The following PPP2R3A variants were observed in gnomAD, a reference collection of about 807,000 sequenced individuals.
PPP2R3A encodes the protein protein phosphatase 2 regulatory subunit B''alpha.
Under a neutral mutation model 106.9 loss-of-function variants are expected in PPP2R3A, and 80 were observed. The ratio of observed to expected loss-of-function variants is 0.75; its 90% CI spans 0.62 to 0.90. The LOEUF (loss-of-function observed/expected upper bound fraction) is 0.90. PPP2R3A is among the 40% of genes least tolerant of loss of function. The pLI is 0.00. For missense variants in PPP2R3A, 1,386 were observed against 1,350.4 expected, an observed-to-expected ratio of 1.03 and a Z score of -0.41; for synonymous variants, 483 against 468.3, an observed-to-expected ratio of 1.03 and a Z score of -0.41.
intron 13 of PPP2R3A, among the ~76,000 whole-genome samples, chr3:136,143,759 C>G (rs1361885133): frequency 1.3e-5 from 2 of 152,164 alleles, no homozygotes; most frequent in African/African-American, 2.4e-5. Flanking sequence ...CCACTGTACT[C>G]CAGCCTGGGC....
intron 12 of PPP2R3A, 42 bp downstream of exon 12, chr3:136,103,418 CAG>C: frequency 7.2e-7 from 1 of 1,387,132 alleles, no homozygotes; most frequent in Non-Finnish European, 1.0e-6. Context: ...GCTGCAGTGT[CAG>C]GGGCTGTGTG....
Position 136,077,976 on chromosome 3 carries a change from C to T in PPP2R3A, c.2545-391C>T, listed in dbSNP as rs1936650839. 2.0e-5 allele frequency among the ~76,000 whole-genome samples: 3 copies of T among 152,162 alleles called. No individual in the cohort carries two copies. The South Asian group carries it at 6.2e-4, about 32-fold the overall frequency. ...GAATCATACCACCTTGATAGCCACC[C>T]TTCTGACCAGTTAATCAATCATTAG... On this transcript the variant is annotated intron_variant, in intron 6 of 13. Coordinates refer to ENST00000264977, the MANE Select transcript of PPP2R3A (RefSeq NM_002718.5).
At chr3:136,100,503 C>A (rs1022770701) in intron 10 of PPP2R3A, among the ~76,000 whole-genome samples, 1 of 151,190 alleles carries the variant, frequency 6.6e-6, no homozygotes, top group African/African-American at 2.4e-5. Flanking sequence ...GGTGAAACCC[C>A]GTCTCTCCTT....
chr3:136,050,961 G>C (rs1393616200), intron 5 of PPP2R3A, among the ~76,000 whole-genome samples: 1 of 152,132 alleles, frequency 6.6e-6, no homozygotes, highest in Non-Finnish European at 1.5e-5. Context: ...GTTGACCTTT[G>C]TTAAGGTTTT....
At chr3:135,983,712 T>C (rs1026937467) in intron 1 of PPP2R3A, among the ~76,000 whole-genome samples, 2 of 152,380 alleles carry the variant, frequency 1.3e-5, no homozygotes, top group East Asian at 3.9e-4. Context: ...TCAGGCTTTA[T>C]GCTTAGCCTT....
Position 136,041,250 on chromosome 3 carries a change from G to GTTTTTTTTTTTTTTTTTTTTTTTTTT in PPP2R3A, c.2366+299_2366+300insTTTTTTTTTTTTTTTTTTTTTTTTTT, listed in dbSNP as rs1246326384. 6.9e-4 allele frequency among the ~76,000 whole-genome samples: 39 copies of GTTTTTTTTTTTTTTTTTTTTTTTTTT among 56,564 alleles called. 7 individuals are homozygous for GTTTTTTTTTTTTTTTTTTTTTTTTTT. Among genetic ancestry groups the GTTTTTTTTTTTTTTTTTTTTTTTTTT allele is most frequent in the African/African-American group, 1.6e-3 (27 of 16,876 alleles). The allele number at this position is 56,564 out of a possible 152,430, so 37.1% of individuals were successfully genotyped here. Reference sequence around the variant, plus strand: ...CTTGGTTTTTCTTGTTTTTTTTTTTGTTTTTTTTTTTGTTTTTTTTTTTTT... The same window carrying GTTTTTTTTTTTTTTTTTTTTTTTTTT: ...CTTGGTTTTTCTTGTTTTTTTTTTTGTTTTTTTTTTTTTTTTTTTTTTTTTTTTTTTTTTTTTGTTTTTTTTTTTTT... On this transcript the variant is annotated intron_variant, in intron 4 of 13. Transcript: ENST00000264977.
At chr3:136,061,716 C>A (rs956209339) in intron 5 of PPP2R3A, among the ~76,000 whole-genome samples, 9 of 151,870 alleles carry the variant, frequency 5.9e-5, no homozygotes, top group African/African-American at 2.2e-4. Context: ...GTCAGGAGAT[C>A]GAGACCATCC....
chr3:136,115,705 G>C (rs1277673840), intron 13 of PPP2R3A, among the ~76,000 whole-genome samples: 1 of 151,808 alleles, frequency 6.6e-6, no homozygotes, highest in African/African-American at 2.4e-5. Flanking sequence ...AAAAAAGAAT[G>C]AAAAGGAACG....
chr3:136,067,667 C>G (rs546178799), intron 5 of PPP2R3A, among the ~76,000 whole-genome samples: 1 of 152,290 alleles, frequency 6.6e-6, no homozygotes, highest in African/African-American at 2.4e-5. Flanking sequence ...GATGAGGAAA[C>G]TAACCAAAGC....
intron 5 of PPP2R3A, among the ~76,000 whole-genome samples, chr3:136,068,550 A>C (rs1217695226): frequency 6.6e-6 from 1 of 152,206 alleles, no homozygotes; most frequent in Non-Finnish European, 1.5e-5. Flanking sequence ...ATAGGAGAGA[A>C]GAGACAGCTC....
chr3:136,074,067 A>T (rs1936523410), intron 6 of PPP2R3A, among the ~76,000 whole-genome samples: 1 of 152,230 alleles, frequency 6.6e-6, no homozygotes, highest in South Asian at 2.1e-4. Flanking sequence ...ATTGAATGTT[A>T]TATAATCTTC....
chr3:136,083,545 T>C (rs1442359240), intron 8 of PPP2R3A, among the ~76,000 whole-genome samples: 1 of 152,198 alleles, frequency 6.6e-6, no homozygotes, highest in East Asian at 1.9e-4. Context: ...ATGTCTTTAC[T>C]AGCAGCATGA....
chr3:136,144,111 C>A (rs1200817838), intron 13 of PPP2R3A, among the ~76,000 whole-genome samples: 1 of 152,214 alleles, frequency 6.6e-6, no homozygotes, highest in East Asian at 1.9e-4. Context: ...AATATTTCAT[C>A]TCTGCCTAAA....
At chr3:136,068,634 G>A (rs1040873247) in intron 5 of PPP2R3A, among the ~76,000 whole-genome samples, 1 of 152,236 alleles carries the variant, frequency 6.6e-6, no homozygotes, top group African/African-American at 2.4e-5. Context: ...AAACACTACA[G>A]TGTAAATGTT....
chr3:136,112,263 A>G (rs1336485646), intron 13 of PPP2R3A, among the ~76,000 whole-genome samples: 2 of 152,198 alleles, frequency 1.3e-5, no homozygotes, highest in South Asian at 2.1e-4. Context: ...CACCACTGCT[A>G]TTCAACATAG....
chr3:136,100,057 G>T (rs923857729), intron 10 of PPP2R3A, among the ~76,000 whole-genome samples: 4 of 152,044 alleles, frequency 2.6e-5, no homozygotes, highest in African/African-American at 9.7e-5. Context: ...TCTCAACCAA[G>T]GCCATCATGA....
intron 2 of PPP2R3A, among the ~76,000 whole-genome samples, chr3:136,011,009 T>G (rs1474023114): frequency 2.0e-5 from 3 of 152,172 alleles, no homozygotes; most frequent in Non-Finnish European, 2.9e-5. Flanking sequence ...TATTATTGTT[T>G]CCAGTTCCTC....
intron 5 of PPP2R3A, among the ~76,000 whole-genome samples, chr3:136,050,450 T>TAG (rs1344704223): frequency 6.6e-6 from 1 of 152,192 alleles, no homozygotes; most frequent in South Asian, 2.1e-4. Flanking sequence ...TCTGAGGTCT[T>TAG]ACACGGTACC....
chr3:136,128,860 A>G lies in PPP2R3A; in HGVS notation c.3330-16183A>G, dbSNP rs181442346. ...AATCAAACTAGAACTCAGGATTAAG[A>G]AACTCACTCAAAACCGCTCAACTAC... is the stretch of plus-strand genomic sequence containing the variant. On this transcript the variant is annotated intron_variant, in intron 13 of 13. Transcript: ENST00000264977. Among the ~76,000 whole-genome samples the G allele has an allele frequency of 3.5e-3, 535 of 152,308 alleles. 7 individuals are homozygous for G. The East Asian group carries it at 0.047, about 13-fold the overall frequency.
Sources: allele counts gnomAD v4.1 joint callset (sites outside exome capture counted in the v4.1 genomes callset), GRCh38; gene constraint gnomAD v4.1.1; transcripts MANE v1.5; gene names NCBI Gene and HGNC (gene_info 2026-07-23, HGNC 2026-07-21).